The following EPHX4 variants were observed in gnomAD, a reference collection of about 807,000 sequenced individuals.
EPHX4 encodes the protein abhydrolase domain containing 7.
Under a neutral mutation model 44.9 loss-of-function variants are expected in EPHX4, and 31 were observed. The observed-to-expected ratio is 0.69, with a 90% confidence interval of 0.52 to 0.93. The LOEUF (loss-of-function observed/expected upper bound fraction) is 0.93, where lower values mean the gene tolerates loss of function less well. Among genes scored for constraint, EPHX4 ranks in the 40% least tolerant of loss-of-function variants. The pLI is 0.00. For missense variants in EPHX4, 373 were observed against 438.1 expected, an observed-to-expected ratio of 0.85 and a Z score of 1.33; for synonymous variants, 151 against 159.7, an observed-to-expected ratio of 0.95 and a Z score of 0.41.
rs115981493 is a variant in EPHX4, at chr1:92,032,334, A to G, written c.232-171A>G. ...TTTTTGAAAATTAATAAAAGTAAAT[A>G]TATTTCTTGATGTTAAAAATAAGGC... On this transcript the variant is annotated intron_variant, in intron 1 of 6. Coordinates refer to ENST00000370383, the MANE Select transcript of EPHX4 (RefSeq NM_173567.5). Among the ~76,000 whole-genome samples, 1,137 of 152,358 alleles carry G rather than the reference A, an allele frequency of 7.5e-3. 18 individuals carry two copies. Among genetic ancestry groups the G allele is most frequent in the African/African-American group, 0.026 (1,084 of 41,580 alleles).
intron 2 of EPHX4, among the ~76,000 whole-genome samples, chr1:92,040,176 ATTTTTT>A (rs10646888): frequency 8.9e-6 from 1 of 112,152 alleles, no homozygotes; most frequent in Non-Finnish European, 1.7e-5. Flanking sequence ...TGTTACAATG[ATTTTTT>A]TTTTTTTTTT....
chr1:92,030,325 G>T lies in EPHX4; in HGVS notation c.231+15G>T, dbSNP rs749517168. 4.0e-6 allele frequency: 6 copies of T among 1,501,894 alleles called. No individual in the cohort carries two copies. In the South Asian group the frequency reaches 5.2e-5, roughly 13 times the overall value. 93.0% of individuals were successfully genotyped at this position (1,501,894 alleles called of 1,614,324 possible). A position where few individuals can be genotyped will look rare whatever the true frequency, so the allele number is the denominator to read the frequency against. On this transcript the variant is annotated intron_variant, in intron 1 of 6. Coordinates refer to ENST00000370383, the MANE Select transcript of EPHX4 (RefSeq NM_173567.5). ...TGCGGATCAAGGTGAAGGGCCGCGC[G>T]GGCCTGGCGGGAGCGGGAGGGAGCG...
intron 5 of EPHX4, among the ~76,000 whole-genome samples, chr1:92,050,725 G>A (rs1018209005): frequency 2.6e-5 from 4 of 151,464 alleles, no homozygotes; most frequent in Admixed American, 6.6e-5. Context: ...AGAAGACTTC[G>A]GGGTTAAAAA....
At chr1:92,042,781 C>G in intron 2 of EPHX4, 42 bp from the exon 3 acceptor site, 1 of 1,362,170 alleles carries the variant, frequency 7.3e-7, no homozygotes, top group Non-Finnish European at 1.0e-6. Flanking sequence ...ACTGTTTGTA[C>G]TAGCTAATAT....
At chr1:92,033,531 G>A (rs1333916095) in intron 2 of EPHX4, among the ~76,000 whole-genome samples, 1 of 152,044 alleles carries the variant, frequency 6.6e-6, no homozygotes, top group Non-Finnish European at 1.5e-5. Flanking sequence ...GTGAGGAGAA[G>A]GCAGAGTAGA....
chr1:92,050,832 C>A (rs1647236631), intron 5 of EPHX4, among the ~76,000 whole-genome samples: 1 of 151,666 alleles, frequency 6.6e-6, no homozygotes, highest in South Asian at 2.1e-4. Context: ...TTATTAAATT[C>A]TTCTTTTTAT....
At chr1:92,058,413 C>T (rs554751510) in intron 6 of EPHX4, among the ~76,000 whole-genome samples, 63 of 150,750 alleles carry the variant, frequency 4.2e-4, no homozygotes, top group African/African-American at 1.4e-3. Context: ...TGCACTCCAG[C>T]CTGGGGAACA....
chr1:92,045,631 T>C lies in EPHX4; in HGVS notation c.575T>C (p.Ile192Thr), dbSNP rs971876940. The change falls in exon 4 of 7, where the codon ATT (isoleucine) becomes ACT (threonine). Residue 192 changes from isoleucine to threonine, a missense_variant. Ile to Thr is a moderately conservative substitution (Grantham distance 89). Coordinates refer to ENST00000370383, the MANE Select transcript of EPHX4 (RefSeq NM_173567.5). ...YPEMVMKLIV[I>T]NFPHPNVFTE... ...GAAATGGTGATGAAGCTTATTGTTA[T>C]TAACTTCCCTCATCCAAATGTATTT... The C allele has an allele frequency of 6.2e-7, 1 of 1,614,102 alleles. No individual in the cohort carries two copies. The highest frequency in any genetic ancestry group is 8.5e-7 in the Non-Finnish European group (1 of 1,179,984).
chr1:92,054,500 A>C (rs111575732), intron 6 of EPHX4, among the ~76,000 whole-genome samples: 8,165 of 151,370 alleles, frequency 0.054, 296 homozygotes, highest in Non-Finnish European at 0.084. Flanking sequence ...AGGTAGGAGA[A>C]TCGCTTGAAC....
chr1:92,043,134 C>G, intron 3 of EPHX4, 154 bp downstream of exon 3: 1 of 591,292 alleles, frequency 1.7e-6, no homozygotes, highest in Non-Finnish European at 2.9e-6. Context: ...CCCAAAATAT[C>G]TGTACAGGAA....
At chr1:92,052,944 C>A (rs535001131) in intron 6 of EPHX4, among the ~76,000 whole-genome samples, 2 of 152,070 alleles carry the variant, frequency 1.3e-5, no homozygotes, top group East Asian at 1.9e-4. Flanking sequence ...ATTTTTAGTT[C>A]TTTTTAAATG....
At chr1:92,056,287 T>C (rs888430661) in intron 6 of EPHX4, among the ~76,000 whole-genome samples, 1 of 152,162 alleles carries the variant, frequency 6.6e-6, no homozygotes, top group Non-Finnish European at 1.5e-5. Context: ...CCCTCATTTA[T>C]TACCCTAAGC....
Position 92,032,521 on chromosome 1 carries a change from T to C in EPHX4, c.248T>C (p.Phe83Ser). 1 of 1,614,048 alleles carries C rather than the reference T, an allele frequency of 6.2e-7. No homozygotes were observed. Among genetic ancestry groups the C allele is most frequent in the Non-Finnish European group, 8.5e-7 (1 of 1,179,946 alleles). ...YVRIKDSGLR[F>S]HYVAAGERGK... ...TACTTTCAGGATTCAGGGTTAAGAT[T>C]TCACTATGTTGCTGCTGGAGAAAGA... The change falls in exon 2 of 7, where the codon TTT becomes TCT. Residue 83 changes from phenylalanine (F) to serine (S), a missense_variant. Physicochemically the swap from Phe to Ser is radical, Grantham distance 155. Coordinates refer to ENST00000370383, the MANE Select transcript of EPHX4 (RefSeq NM_173567.5).
At chr1:92,034,787 G>C (rs1325252749) in intron 2 of EPHX4, among the ~76,000 whole-genome samples, 1 of 151,710 alleles carries the variant, frequency 6.6e-6, no homozygotes, top group African/African-American at 2.4e-5. Context: ...GATTACAAGT[G>C]CGCACCACAC....
Position 92,053,725 on chromosome 1 carries a change from T to C in EPHX4, c.857+1067T>C, listed in dbSNP as rs180849663. 3.5e-3 allele frequency among the ~76,000 whole-genome samples: 539 copies of C among 152,296 alleles called. 6 individuals are homozygous for C. The highest frequency in any genetic ancestry group is 4.7e-3 in the Non-Finnish European group (322 of 68,030). On this transcript the variant is annotated intron_variant, in intron 6 of 6. Coordinates refer to ENST00000370383, the MANE Select transcript of EPHX4 (RefSeq NM_173567.5). ...ATATCAAATATGGCTCCTGGATTTC[T>C]GGCATGTGCAGCAGTATGGATAAGC...
intron 3 of EPHX4, chr1:92,043,283 G>C (rs954093957): frequency 5.4e-6 from 1 of 184,708 alleles, no homozygotes; most frequent in Non-Finnish European, 1.1e-5. Context: ...AGGCTGAGGC[G>C]GGCAGATCAC....
chr1:92,032,882 C>T (rs1332259092), intron 2 of EPHX4, among the ~76,000 whole-genome samples: 5 of 152,132 alleles, frequency 3.3e-5, no homozygotes, highest in Non-Finnish European at 7.4e-5. Flanking sequence ...GCCTGCATGA[C>T]CTAACCACCT....
At chr1:92,038,794 A>G (rs1427288887) in intron 2 of EPHX4, among the ~76,000 whole-genome samples, 1 of 152,208 alleles carries the variant, frequency 6.6e-6, no homozygotes, top group Non-Finnish European at 1.5e-5. Flanking sequence ...AAGTCATAAA[A>G]GCAAAAACCA....
intron 2 of EPHX4, among the ~76,000 whole-genome samples, chr1:92,037,620 G>T (rs989855577): frequency 6.6e-6 from 1 of 152,102 alleles, no homozygotes; most frequent in Non-Finnish European, 1.5e-5. Flanking sequence ...CGAGTGAGGG[G>T]CCTTCATCAT....
Sources: allele counts gnomAD v4.1 joint callset (sites outside exome capture counted in the v4.1 genomes callset), GRCh38; gene constraint gnomAD v4.1.1; transcripts MANE v1.5; gene names NCBI Gene and HGNC (gene_info 2026-07-23, HGNC 2026-07-21).